The following PTPRD variants were observed in gnomAD, a reference collection of about 807,000 sequenced individuals.
The protein encoded by PTPRD is protein tyrosine phosphatase receptor type D.
Under a neutral mutation model 214.5 loss-of-function variants are expected in PTPRD, and 34 were observed. That is an observed-to-expected ratio of 0.16 (90% CI 0.12 to 0.21). PTPRD has a LOEUF of 0.21. Among genes scored for constraint, PTPRD ranks in the 10% least tolerant of loss-of-function variants. PTPRD has a pLI of 1.00. For synonymous variants in PTPRD, 1,128 were observed against 845.7 expected, an observed-to-expected ratio of 1.33 and a Z score of -5.79; for missense variants, 2,545 against 2,398.7, an observed-to-expected ratio of 1.06 and a Z score of -1.27.
Position 8,834,703 on chromosome 9 carries a change from C to T in PTPRD, c.-103-100757G>A, listed in dbSNP as rs141014625. ...CAAAGAAAGTGAGGATCAAGGAGAC[C>T]ACACATCAGGAATTTAAAAAACTGT... On this transcript the variant is annotated intron_variant, in intron 11 of 45. Coordinates refer to ENST00000381196, the MANE Select transcript of PTPRD (RefSeq NM_002839.4). Among the ~76,000 whole-genome samples the T allele has an allele frequency of 7.6e-3, 1,163 of 152,130 alleles. 20 individuals carry two copies. The highest frequency in any genetic ancestry group is 0.027 in the African/African-American group (1,104 of 41,500).
chr9:10,009,219 C>G (rs2096548659), intron 4 of PTPRD, among the ~76,000 whole-genome samples: 1 of 151,926 alleles, frequency 6.6e-6, no homozygotes, highest in South Asian at 2.1e-4. Context: ...GAGTCAAACT[C>G]TGTGATATAT....
chr9:9,036,890 A>G (rs1395463375), intron 10 of PTPRD, among the ~76,000 whole-genome samples: 1 of 152,152 alleles, frequency 6.6e-6, no homozygotes, highest in Non-Finnish European at 1.5e-5. Flanking sequence ...ATCCAACATC[A>G]ACAACTTTGT....
chr9:10,548,281 G>C (rs1050524584), intron 2 of PTPRD, among the ~76,000 whole-genome samples: 1 of 152,066 alleles, frequency 6.6e-6, no homozygotes, highest in Non-Finnish European at 1.5e-5. Context: ...CTATATATAA[G>C]TTGTTGCTTT....
intron 11 of PTPRD, among the ~76,000 whole-genome samples, chr9:9,013,680 G>A (rs1032797967): frequency 2.6e-5 from 4 of 152,082 alleles, no homozygotes; most frequent in Non-Finnish European, 5.9e-5. Flanking sequence ...ATTGCATACA[G>A]AAGCAACTCT....
At chr9:8,643,378 G>A (rs2096618222) in intron 12 of PTPRD, among the ~76,000 whole-genome samples, 1 of 152,044 alleles carries the variant, frequency 6.6e-6, no homozygotes, top group East Asian at 1.9e-4. Context: ...AGGAAGGCAG[G>A]AAGAAAGAAA....
At chr9:9,374,113 T>G (rs990149658) in intron 9 of PTPRD, among the ~76,000 whole-genome samples, 16 of 151,998 alleles carry the variant, frequency 1.1e-4, no homozygotes, top group African/African-American at 3.9e-4. Flanking sequence ...AATGTGCATC[T>G]AAATATTAAC....
At chr9:10,235,161 T>C (rs2099624909) in intron 3 of PTPRD, among the ~76,000 whole-genome samples, 1 of 151,992 alleles carries the variant, frequency 6.6e-6, no homozygotes, top group African/African-American at 2.4e-5. Flanking sequence ...ACTTCAATGG[T>C]AGAATGTTTA....
intron 12 of PTPRD, among the ~76,000 whole-genome samples, chr9:8,716,116 A>G (rs2098432456): frequency 6.6e-6 from 1 of 152,218 alleles, no homozygotes; most frequent in African/African-American, 2.4e-5. Flanking sequence ...GAAAACCGCA[A>G]TTACCTTTGC....
intron 7 of PTPRD, among the ~76,000 whole-genome samples, chr9:9,612,613 C>A (rs898778918): frequency 6.6e-6 from 1 of 151,922 alleles, no homozygotes; most frequent in Non-Finnish European, 1.5e-5. Flanking sequence ...GGAATCATAA[C>A]CTGTGGTCAG....
intron 4 of PTPRD, among the ~76,000 whole-genome samples, chr9:10,017,293 C>CT (rs895936617): frequency 4.6e-4 from 69 of 150,818 alleles, no homozygotes; most frequent in Middle Eastern, 6.9e-3. Flanking sequence ...TTTATTTTAT[C>CT]TTTTTTTTTA....
At chr9:8,675,538 C>CAAAAAA (rs61509653) in intron 12 of PTPRD, among the ~76,000 whole-genome samples, 2 of 49,108 alleles carry the variant, frequency 4.1e-5, no homozygotes, top group African/African-American at 1.7e-4. Context: ...CACACACACA[C>CAAAAAA]AAAAAAAAAA....
intron 37 of PTPRD, among the ~76,000 whole-genome samples, chr9:8,380,650 C>T (rs1448181476): frequency 1.3e-5 from 2 of 152,120 alleles, no homozygotes; most frequent in African/African-American, 4.8e-5. Context: ...CTATCAAAAT[C>T]AAGTTGATGG....
intron 11 of PTPRD, among the ~76,000 whole-genome samples, chr9:8,980,875 C>T (rs141688515): frequency 4.1e-4 from 63 of 152,102 alleles, no homozygotes; most frequent in African/African-American, 1.4e-3. Context: ...TAAAAGAGAC[C>T]ATGAACGGAT....
chr9:9,076,132 G>A (rs937903190), intron 10 of PTPRD, among the ~76,000 whole-genome samples: 4 of 152,054 alleles, frequency 2.6e-5, no homozygotes, highest in Non-Finnish European at 5.9e-5. Context: ...ATCTCACTGT[G>A]GTCTTGATTT....
At chr9:8,677,004 C>T (rs184596094) in intron 12 of PTPRD, among the ~76,000 whole-genome samples, 5 of 152,248 alleles carry the variant, frequency 3.3e-5, no homozygotes, top group East Asian at 1.9e-4. Flanking sequence ...GGAAATTAAT[C>T]GTTTCATTTA....
At chr9:10,122,714 T>C (rs193170193) in intron 3 of PTPRD, among the ~76,000 whole-genome samples, 2 of 152,298 alleles carry the variant, frequency 1.3e-5, no homozygotes, top group East Asian at 1.9e-4. Flanking sequence ...AGTTTGCATA[T>C]AGATATTAAT....
At chr9:10,158,164 C>T (rs1002616204) in intron 3 of PTPRD, among the ~76,000 whole-genome samples, 1 of 151,988 alleles carries the variant, frequency 6.6e-6, no homozygotes, top group African/African-American at 2.4e-5. Context: ...GCCCCCACCA[C>T]ACCCAACTAA....
At chr9:9,785,699 GA>G (rs962539487) in intron 5 of PTPRD, among the ~76,000 whole-genome samples, 1 of 152,018 alleles carries the variant, frequency 6.6e-6, no homozygotes, top group African/African-American at 2.4e-5. Flanking sequence ...AATATTTGTT[GA>G]AAAACTAGTA....
At chr9:10,040,282 A>G (rs1302415020) in intron 3 of PTPRD, among the ~76,000 whole-genome samples, 3 of 152,064 alleles carry the variant, frequency 2.0e-5, no homozygotes, top group Admixed American at 1.3e-4. Context: ...GAACACTGAC[A>G]GTTTTTATGC....
Sources: gnomAD v4.1 joint callset for allele counts (sites outside exome capture counted in the v4.1 genomes callset) on GRCh38, gnomAD v4.1.1 for gene constraint, MANE v1.5 for transcripts, NCBI Gene and HGNC (gene_info 2026-07-23, HGNC 2026-07-21) for gene names.